KNTC1: variants seen among roughly 807,000 people sequenced by gnomAD.
The protein encoded by KNTC1 is kinetochore associated 1, also known as kinetochore-associated protein 1.
In KNTC1, 253 loss-of-function variants were observed where a neutral mutation model predicts 314.4. The ratio of observed to expected loss-of-function variants is 0.80; its 90% CI spans 0.73 to 0.89. The LOEUF is 0.89. Among genes scored for constraint, KNTC1 ranks in the 40% least tolerant of loss-of-function variants. The pLI, the probability that KNTC1 is intolerant of heterozygous loss-of-function variation, is 0.00. For synonymous variants in KNTC1, 901 were observed against 901.4 expected, an observed-to-expected ratio of 1.00 and a Z score of 0.01; for missense variants, 2,475 against 2,572.9, an observed-to-expected ratio of 0.96 and a Z score of 0.82.
rs75797571 is a variant in KNTC1 at position 122,577,160 on chromosome 12, C to T, written c.2721+131C>T. ...TGGCTGTGTTTCACCATGTTGGTCA[C>T]GCTGGTCTCAAACTCTCAACCTGAA... On this transcript the variant is annotated intron_variant, in intron 30 of 63. Coordinates refer to ENST00000333479, the MANE Select transcript of KNTC1 (RefSeq NM_014708.6). 1,564 of 623,118 alleles carry T rather than the reference C, an allele frequency of 2.5e-3. 17 individuals carry two copies. The African/African-American group carries it at 0.027, about 11-fold the overall frequency. 38.6% of individuals were successfully genotyped at this position (623,118 alleles called of 1,614,324 possible).
chr12:122,606,509 C>T (rs549971896), intron 51 of KNTC1, among the ~76,000 whole-genome samples: 7 of 152,206 alleles, frequency 4.6e-5, no homozygotes, highest in African/African-American at 9.6e-5. Flanking sequence ...TGAGCCACCA[C>T]GCCTGGCCTG....
intron 19 of KNTC1, 71 bp from the exon 20 acceptor site, chr12:122,562,567 A>G (rs1964047444): frequency 2.1e-6 from 2 of 945,162 alleles, no homozygotes; most frequent in Admixed American, 4.1e-5. Flanking sequence ...AAATGTAATG[A>G]TTCATTTTTA....
At chr12:122,597,531 G>A in intron 43 of KNTC1, 200 bp from the exon 44 acceptor site, 2 of 534,658 alleles carry the variant, frequency 3.7e-6, no homozygotes, top group Non-Finnish European at 6.8e-6. Context: ...ACAGGTGTGA[G>A]CCACTGCACC....
chr12:122,613,510 G>T, intron 54 of KNTC1, 116 bp from the exon 55 acceptor site: 1 of 889,978 alleles, frequency 1.1e-6, no homozygotes, highest in Non-Finnish European at 1.6e-6. Flanking sequence ...AATATATTTG[G>T]AAGTCCAAAA....
intron 38 of KNTC1, among the ~76,000 whole-genome samples, chr12:122,587,213 G>C (rs1456331047): frequency 1.3e-5 from 2 of 152,168 alleles, no homozygotes; most frequent in Non-Finnish European, 2.9e-5. Context: ...CAGGAGGTCA[G>C]GGCTGCAATG....
intron 52 of KNTC1, 49 bp from the exon 53 acceptor site, chr12:122,610,771 GTA>G: frequency 2.6e-6 from 3 of 1,161,872 alleles, no homozygotes; most frequent in Non-Finnish European, 3.9e-6. Context: ...TGTTGTTTTG[GTA>G]ATCCATCACT....
At chr12:122,601,500 C>CT in intron 44 of KNTC1, 36 bp from the exon 45 acceptor site, 1 of 1,479,568 alleles carries the variant, frequency 6.8e-7, no homozygotes, top group Admixed American at 2.4e-5. Flanking sequence ...ATGGCAAAGT[C>CT]TTATCAAGTT....
At chr12:122,579,457 A>G (rs982349695) in intron 31 of KNTC1, among the ~76,000 whole-genome samples, 1 of 152,102 alleles carries the variant, frequency 6.6e-6, no homozygotes, top group Admixed American at 6.6e-5. Context: ...AACATTTTAC[A>G]TACATCATGT....
chr12:122,563,491 G>A (rs566341351), intron 20 of KNTC1, among the ~76,000 whole-genome samples: 1 of 152,118 alleles, frequency 6.6e-6, no homozygotes, highest in East Asian at 1.9e-4. Context: ...ATGTACAACA[G>A]CTGCTCCAAG....
chr12:122,609,229 A>G, intron 51 of KNTC1, 155 bp from the exon 52 acceptor site: 2 of 633,908 alleles, frequency 3.2e-6, no homozygotes, highest in Non-Finnish European at 2.8e-6. Flanking sequence ...CCCATCAGTT[A>G]AGCAAAAATC....
chr12:122,570,847 G>T, intron 22 of KNTC1, 29 bp from the exon 23 acceptor site: 3 of 1,422,100 alleles, frequency 2.1e-6, no homozygotes, highest in South Asian at 1.3e-5. Context: ...TATCCATTAA[G>T]AATTTCATTT....
chr12:122,564,754 G>C (rs1209483705), intron 20 of KNTC1, among the ~76,000 whole-genome samples: 2 of 152,220 alleles, frequency 1.3e-5, no homozygotes, highest in Non-Finnish European at 2.9e-5. Context: ...TTACAGGCGT[G>C]AGGTACCACG....
At chr12:122,542,338 C>A (rs1294922866) in intron 6 of KNTC1, among the ~76,000 whole-genome samples, 1 of 152,158 alleles carries the variant, frequency 6.6e-6, no homozygotes, top group African/African-American at 2.4e-5. Context: ...TTTGATATGG[C>A]CTTCAAGGAG....
In KNTC1 at chr12:122,565,666, C is replaced by T. The variant is rs139765964; in HGVS notation, c.1605-2595C>T. On this transcript the variant is annotated intron_variant, in intron 20 of 63. Transcript: ENST00000333479. The stretch of plus-strand genomic sequence containing the variant: ...CTTTGGGAGGCTGAGGTAGGCGGAT[C>T]GCTTCCCAGGAGTTCAAGACCAGCT... Among the ~76,000 whole-genome samples the T allele has an allele frequency of 3.1e-3, 471 of 152,032 alleles. 2 individuals carry two copies. Among genetic ancestry groups the T allele is most frequent in the African/African-American group, 0.01 (429 of 41,490 alleles).
intron 6 of KNTC1, 120 bp downstream of exon 6, chr12:122,542,247 A>T: frequency 1.6e-6 from 1 of 640,068 alleles, no homozygotes; most frequent in Admixed American, 3.5e-5. Flanking sequence ...GTATTTAGTT[A>T]TAATTGGGTA....
chr12:122,622,494 T>C lies in KNTC1; in HGVS notation c.6402T>C (p.Asn2134=), dbSNP rs1275152662. The part of the protein sequence containing the change: ...IRSLILNNII[N]KKEFGILAKT... ...GTCTGATTTTGAATAATATCATCAA[T>C]AAGAAGGAGTTTGGGATTTTGGCAA... The change falls in exon 62 of 64, where the codon AAT becomes AAC. Residue 2134 remains asparagine (N), a synonymous_variant. Coordinates refer to ENST00000333479, the MANE Select transcript of KNTC1 (RefSeq NM_014708.6). 3.2e-6 allele frequency: 5 copies of C among 1,582,586 alleles called. No homozygotes were observed. Among genetic ancestry groups the C allele is most frequent in the Non-Finnish European group, 4.3e-6 (5 of 1,162,232 alleles).
chr12:122,554,076 A>AAAAAAATATATATATATAT (rs370146333), intron 16 of KNTC1, among the ~76,000 whole-genome samples: 73 of 109,020 alleles, frequency 6.7e-4, no homozygotes, highest in African/African-American at 2.3e-3. Flanking sequence ...AAAAAAAAAA[A>AAAAAAATATATATATATAT]ATATATATAT....
Position 122,599,927 on chromosome 12 carries a change from G to T in KNTC1, c.4564-1609G>T, listed in dbSNP as rs115959383. Reference sequence around the variant, plus strand: ...CAGCTATTTGGGAAGCTGAAGAGGGGAGGATTGCTTGAGCCCAGGAGGTCA... The same window carrying T: ...CAGCTATTTGGGAAGCTGAAGAGGGTAGGATTGCTTGAGCCCAGGAGGTCA... On this transcript the variant is annotated intron_variant, in intron 44 of 63. Transcript: ENST00000333479. Among the ~76,000 whole-genome samples the T allele has an allele frequency of 8.5e-3, 1,301 of 152,214 alleles. 16 individuals are homozygous for T. The highest frequency in any genetic ancestry group is 0.03 in the African/African-American group (1,258 of 41,522).
chr12:122,603,247 T>C lies in KNTC1; in HGVS notation c.5101+4T>C, dbSNP rs768567544. On this transcript the variant is annotated splice_donor_region_variant and intron_variant, in intron 48 of 63. Transcript: ENST00000333479. ...CTTGCCCAGGATATCCCTGAAGGTA[T>C]GAGCTCTTCTTTTAAAATTGTAGTT... The C allele has an allele frequency of 9.7e-6, 15 of 1,548,938 alleles. No homozygotes were observed. Among genetic ancestry groups the C allele is most frequent in the Non-Finnish European group, 1.2e-5 (14 of 1,150,156 alleles).
Sources: allele counts gnomAD v4.1 joint callset (sites outside exome capture counted in the v4.1 genomes callset), GRCh38; gene constraint gnomAD v4.1.1; transcripts MANE v1.5; gene names NCBI Gene and HGNC (gene_info 2026-07-23, HGNC 2026-07-21).